ATP11B: variants seen among roughly 807,000 people sequenced by gnomAD.
The protein encoded by ATP11B is phospholipid-transporting ATPase IF.
ATP11B carries 81 observed loss-of-function variants against 157.8 expected under a neutral mutation model. The ratio of observed to expected loss-of-function variants is 0.51; its 90% CI spans 0.43 to 0.62. ATP11B has a LOEUF of 0.62. ATP11B is among the 20% of genes least tolerant of loss of function. The probability of loss-of-function intolerance (pLI) is 0.00; values close to 1 mark genes in which losing one functional copy is unlikely to be tolerated. For missense variants in ATP11B, 1,165 were observed against 1,402.2 expected (o/e 0.83, Z 2.70); for synonymous variants, 451 against 469.4 (o/e 0.96, Z 0.51).
chr3:182,803,333 C>T (rs1278363544), intron 1 of ATP11B, among the ~76,000 whole-genome samples: 1 of 152,182 alleles, frequency 6.6e-6, no homozygotes, highest in Non-Finnish European at 1.5e-5. Context: ...TCCTCAATTT[C>T]ATTCACATGA....
intron 8 of ATP11B, among the ~76,000 whole-genome samples, chr3:182,842,597 G>A (rs1054299733): frequency 2.0e-5 from 3 of 152,050 alleles, no homozygotes; most frequent in Admixed American, 1.3e-4. Context: ...CCTCTCTGGG[G>A]ATGGCCTTAA....
At chr3:182,875,128 CCATTTAA>C (rs1721939638) in intron 19 of ATP11B, among the ~76,000 whole-genome samples, 1 of 152,028 alleles carries the variant, frequency 6.6e-6, no homozygotes, top group Non-Finnish European at 1.5e-5. Context: ...AAATGATGCC[CCATTTAA>C]CACAGTCTAA....
intron 7 of ATP11B, 22 bp downstream of exon 7, chr3:182,837,196 A>G: frequency 1.3e-6 from 2 of 1,502,188 alleles, no homozygotes; most frequent in Non-Finnish European, 1.8e-6. Flanking sequence ...TATTCAGTAT[A>G]CTTATTTTAA....
At chr3:182,915,337 G>A in intron 29 of ATP11B, 3 of 985,290 alleles carry the variant, frequency 3.0e-6, no homozygotes, top group Non-Finnish European at 2.4e-6. Context: ...ATACCATTTT[G>A]TAGTAATTTC....
intron 1 of ATP11B, among the ~76,000 whole-genome samples, chr3:182,795,204 G>A (rs1715530793): frequency 6.6e-6 from 1 of 152,116 alleles, no homozygotes; most frequent in Admixed American, 6.5e-5. Flanking sequence ...CTTTGTTGCA[G>A]TAAGCTGTAG....
chr3:182,832,639 C>G (rs1012995862), intron 4 of ATP11B, among the ~76,000 whole-genome samples: 1 of 152,150 alleles, frequency 6.6e-6, no homozygotes, highest in African/African-American at 2.4e-5. Flanking sequence ...TTATCAATTA[C>G]TTACACTTTA....
intron 28 of ATP11B, among the ~76,000 whole-genome samples, chr3:182,913,407 A>G (rs1724930771): frequency 6.6e-6 from 1 of 152,182 alleles, no homozygotes; most frequent in South Asian, 2.1e-4. Context: ...CCCAGTCTTA[A>G]AGATAATTCA....
At chr3:182,902,711 A>G (rs949206151) in intron 28 of ATP11B, 3 of 329,142 alleles carry the variant, frequency 9.1e-6, no homozygotes. Context: ...GACCTTTATT[A>G]ACATATACGT....
chr3:182,900,611 ATTC>A (rs1723888300), intron 28 of ATP11B, among the ~76,000 whole-genome samples: 1 of 152,110 alleles, frequency 6.6e-6, no homozygotes, highest in East Asian at 1.9e-4. Flanking sequence ...TGAAAAAAAA[ATTC>A]ACAATAAAAG....
rs779461998 is a variant in ATP11B at position 182,820,350 on chromosome 3, A to G, written c.118A>G (p.Ile40Val). The G allele has an allele frequency of 3.1e-6, 5 of 1,609,440 alleles. No individual in the cohort carries two copies. The highest frequency in any genetic ancestry group is 4.3e-6 in the Non-Finnish European group (5 of 1,175,810). Reference protein sequence around the residue: ...QNGLYTPQKFIDNRIISSKYT... With the variant: ...QNGLYTPQKFVDNRIISSKYT... ...TGGCCTTTACACACCTCAGAAATTTATAGATAACAGGATCATTTCATCTAA... is the reference window on the plus strand; with the variant it reads ...TGGCCTTTACACACCTCAGAAATTTGTAGATAACAGGATCATTTCATCTAA... Residue 40 changes from isoleucine to valine, a missense_variant, in exon 2 of 30, where the codon ATA becomes GTA. By Grantham distance (29) the Ile-to-Val change is conservative. Coordinates refer to ENST00000323116, the MANE Select transcript of ATP11B (RefSeq NM_014616.3).
chr3:182,795,547 G>A (rs1034223485), intron 1 of ATP11B, among the ~76,000 whole-genome samples: 3 of 152,190 alleles, frequency 2.0e-5, no homozygotes, highest in Non-Finnish European at 2.9e-5. Flanking sequence ...CAAGGCAGCC[G>A]TCTTAACAGG....
intron 17 of ATP11B, among the ~76,000 whole-genome samples, chr3:182,871,501 TAA>T (rs1721651403): frequency 6.6e-6 from 1 of 152,206 alleles, no homozygotes; most frequent in Non-Finnish European, 1.5e-5. Flanking sequence ...ATTTATTTGG[TAA>T]ATCTAAAAAG....
chr3:182,819,859 A>G (rs1435612492), intron 1 of ATP11B, among the ~76,000 whole-genome samples: 1 of 152,210 alleles, frequency 6.6e-6, no homozygotes, highest in Non-Finnish European at 1.5e-5. Flanking sequence ...TAGAAATGAA[A>G]GGGAAGGAAT....
At chr3:182,800,119 A>G (rs1715896668) in intron 1 of ATP11B, among the ~76,000 whole-genome samples, 1 of 152,138 alleles carries the variant, frequency 6.6e-6, no homozygotes. Context: ...CTAAAAAATA[A>G]AAATTAAAAA....
intron 1 of ATP11B, 148 bp from the exon 2 acceptor site, chr3:182,820,112 C>G: frequency 1.9e-6 from 1 of 523,114 alleles, no homozygotes; most frequent in Admixed American, 3.5e-5. Context: ...GGTGGCATAG[C>G]TCTTCTAATT....
intron 1 of ATP11B, among the ~76,000 whole-genome samples, chr3:182,806,861 A>G (rs1033584929): frequency 6.6e-6 from 1 of 152,086 alleles, no homozygotes; most frequent in African/African-American, 2.4e-5. Flanking sequence ...GCACAATACT[A>G]CTAATTGAAC....
In ATP11B at chr3:182,828,188, T is replaced by A; in HGVS notation, c.213T>A (p.Phe71Leu). The A allele has an allele frequency of 6.7e-7, 1 of 1,497,204 alleles. No individual in the cohort carries two copies. The highest frequency in any genetic ancestry group is 9.0e-7 in the Non-Finnish European group (1 of 1,106,882). 92.7% of individuals were successfully genotyped at this position (1,497,204 alleles called of 1,614,324 possible). A position where few individuals can be genotyped will look rare whatever the true frequency, so the allele number is the denominator to read the frequency against. ...EQFRRVANFY[F>L]LIIFLVQLMI... is the part of the protein sequence containing the mutation. The stretch of plus-strand genomic sequence containing the variant: ...TCAGAAGAGTGGCAAACTTTTATTT[T>A]CTTATTATATTTTTGGTTCAGGTAA... Residue 71 changes from phenylalanine (F) to leucine (L), a missense_variant, in exon 3 of 30, where the codon TTT becomes TTA. Transcript: ENST00000323116.
chr3:182,915,921 C>G (rs1020425983), intron 29 of ATP11B: 1 of 973,920 alleles, frequency 1.0e-6, no homozygotes, highest in African/African-American at 1.8e-5. Flanking sequence ...TCATATTAGA[C>G]TATAAATGCC....
intron 21 of ATP11B, among the ~76,000 whole-genome samples, chr3:182,883,796 A>G (rs190823472): frequency 2.7e-3 from 413 of 150,684 alleles, no homozygotes; most frequent in Non-Finnish European, 4.5e-3. Context: ...TCTACTAAAA[A>G]TACAAAAAAT....
Sources: gnomAD v4.1 joint callset for allele counts (sites outside exome capture counted in the v4.1 genomes callset) on GRCh38, gnomAD v4.1.1 for gene constraint, MANE v1.5 for transcripts, NCBI Gene and HGNC (gene_info 2026-07-23, HGNC 2026-07-21) for gene names.